Variants in LRMDA observed in about 807,000 individuals in gnomAD.
LRMDA encodes the protein leucine rich melanocyte differentiation associated.
LRMDA carries 18 observed loss-of-function variants against 29.8 expected under a neutral mutation model. The ratio of observed to expected loss-of-function variants is 0.60; its 90% CI spans 0.42 to 0.90. The LOEUF (loss-of-function observed/expected upper bound fraction) is 0.90. Among genes scored for constraint, LRMDA ranks in the 40% least tolerant of loss-of-function variants. The pLI is 0.00. For missense variants in LRMDA, 273 were observed against 273.9 expected (o/e 1.00, Z 0.02); for synonymous variants, 125 against 109.4 (o/e 1.14, Z -0.89).
Position 76,348,614 on chromosome 10 carries a change from T to C in LRMDA, c.601+24129T>C, listed in dbSNP as rs1841137759. Among the ~76,000 whole-genome samples the C allele has an allele frequency of 4.6e-5, 7 of 152,198 alleles. No individual in the cohort carries two copies. In the South Asian group the frequency reaches 1.5e-3, roughly 32 times the overall value. On this transcript the variant is annotated intron_variant, in intron 6 of 6. Transcript: ENST00000611255. ...ATGTGGTTTAGGAGAATAGCAACTA[T>C]TTCCAAACCCTACTGAATAGTGGCA...
intron 6 of LRMDA, among the ~76,000 whole-genome samples, chr10:76,430,480 A>C (rs1360296003): frequency 6.6e-6 from 1 of 152,166 alleles, no homozygotes; most frequent in Non-Finnish European, 1.5e-5. Context: ...CTTTTTAGTC[A>C]TAGTATTAAC....
intron 5 of LRMDA, among the ~76,000 whole-genome samples, chr10:76,144,702 T>G (rs974039811): frequency 4.6e-5 from 7 of 152,172 alleles, no homozygotes; most frequent in South Asian, 2.1e-4. Context: ...CCTGCCTGAT[T>G]GCCCTGGCCA....
intron 2 of LRMDA, among the ~76,000 whole-genome samples, chr10:75,806,050 C>T (rs899602999): frequency 2.6e-5 from 4 of 151,950 alleles, no homozygotes; most frequent in African/African-American, 4.8e-5. Context: ...TGGCAGGAGG[C>T]GAAGTGGGAG....
At chr10:76,255,540 C>G (rs567541844) in intron 5 of LRMDA, among the ~76,000 whole-genome samples, 2 of 152,256 alleles carry the variant, frequency 1.3e-5, no homozygotes, top group East Asian at 1.9e-4. Flanking sequence ...CAGTCCACAG[C>G]CATTGCCAGG....
chr10:76,329,905 G>A (rs1840884169), intron 6 of LRMDA, among the ~76,000 whole-genome samples: 1 of 152,154 alleles, frequency 6.6e-6, no homozygotes, highest in Non-Finnish European at 1.5e-5. Flanking sequence ...TTCCACAGAA[G>A]ACATAAATAC....
intron 2 of LRMDA, among the ~76,000 whole-genome samples, chr10:75,809,735 C>G (rs1158252113): frequency 6.6e-6 from 1 of 152,146 alleles, no homozygotes. Context: ...TAGTCACTCA[C>G]GTCAGTGGAA....
chr10:75,645,381 C>T (rs1381692262), intron 2 of LRMDA, among the ~76,000 whole-genome samples: 2 of 152,116 alleles, frequency 1.3e-5, no homozygotes, highest in Admixed American at 1.3e-4. Flanking sequence ...CAGTAACTGA[C>T]TCAAGGTCAC....
chr10:76,131,064 T>C (rs1394161699), intron 5 of LRMDA, among the ~76,000 whole-genome samples: 1 of 152,180 alleles, frequency 6.6e-6, no homozygotes, highest in Admixed American at 6.5e-5. Flanking sequence ...GCCACCCCGT[T>C]GCCTACCAAA....
intron 5 of LRMDA, chr10:76,270,652 T>C (rs1042561930): frequency 6.6e-6 from 1 of 152,210 alleles, no homozygotes; most frequent in Admixed American, 6.5e-5. Flanking sequence ...TACCTCATAA[T>C]GGGCATTTTA....
chr10:76,551,013 T>G (rs1231714020), intron 6 of LRMDA, among the ~76,000 whole-genome samples: 1 of 152,200 alleles, frequency 6.6e-6, no homozygotes, highest in Non-Finnish European at 1.5e-5. Context: ...TCATAAAACA[T>G]GGGTGTTTAT....
intron 2 of LRMDA, among the ~76,000 whole-genome samples, chr10:75,616,346 C>G (rs1841101648): frequency 6.6e-6 from 1 of 152,274 alleles, no homozygotes; most frequent in African/African-American, 2.4e-5. Context: ...TGGCTCCGCC[C>G]TTGACATATG....
chr10:76,151,916 A>G (rs1329889059), intron 5 of LRMDA, among the ~76,000 whole-genome samples: 3 of 152,198 alleles, frequency 2.0e-5, no homozygotes, highest in Non-Finnish European at 4.4e-5. Flanking sequence ...AGTGTAATGT[A>G]GGATAAAGTA....
chr10:75,745,380 G>A (rs1265683224), intron 2 of LRMDA, among the ~76,000 whole-genome samples: 3 of 151,868 alleles, frequency 2.0e-5, no homozygotes, highest in Non-Finnish European at 4.4e-5. Flanking sequence ...TTAATTTTTT[G>A]TTATTAACTA....
chr10:75,690,078 C>G (rs1398896475), intron 2 of LRMDA, among the ~76,000 whole-genome samples: 1 of 152,156 alleles, frequency 6.6e-6, no homozygotes, highest in Non-Finnish European at 1.5e-5. Context: ...ATATTTGTAG[C>G]TACTGATATG....
At chr10:76,050,381 G>A (rs1281188044) in intron 4 of LRMDA, among the ~76,000 whole-genome samples, 2 of 152,128 alleles carry the variant, frequency 1.3e-5, no homozygotes, top group African/African-American at 4.8e-5. Flanking sequence ...CATAAAACAG[G>A]CTCATTAAAT....
intron 6 of LRMDA, among the ~76,000 whole-genome samples, chr10:76,371,584 G>T (rs1008860079): frequency 4.6e-5 from 7 of 152,220 alleles, no homozygotes; most frequent in Admixed American, 2.6e-4. Context: ...CTATAAATAA[G>T]TATAGTCTAG....
intron 2 of LRMDA, among the ~76,000 whole-genome samples, chr10:75,583,686 C>T (rs535754777): frequency 6.6e-6 from 1 of 152,210 alleles, no homozygotes; most frequent in African/African-American, 2.4e-5. Flanking sequence ...CCACCATCAG[C>T]TTTCTCCTCC....
intron 2 of LRMDA, among the ~76,000 whole-genome samples, chr10:75,523,859 T>A (rs1845387576): frequency 6.6e-6 from 1 of 152,252 alleles, no homozygotes; most frequent in South Asian, 2.1e-4. Context: ...CAGTGTCTGA[T>A]AAAATGTCAG....
At chr10:75,489,210 C>A (rs909074425) in intron 2 of LRMDA, among the ~76,000 whole-genome samples, 10 of 142,014 alleles carry the variant, frequency 7.0e-5, no homozygotes, top group Non-Finnish European at 1.2e-4. Context: ...CTATGTCAAC[C>A]CCCTTGGATT....
Sources: gnomAD v4.1 joint callset for allele counts (sites outside exome capture counted in the v4.1 genomes callset) on GRCh38, gnomAD v4.1.1 for gene constraint, MANE v1.5 for transcripts, NCBI Gene and HGNC (gene_info 2026-07-23, HGNC 2026-07-21) for gene names.